FADS2: variants seen among roughly 807,000 people sequenced by gnomAD.
FADS2 encodes the protein fatty acid desaturase 2, also known as acyl-CoA 6-desaturase.
FADS2 carries 18 observed loss-of-function variants against 61.2 expected under a neutral mutation model. That is an observed-to-expected ratio of 0.29 (90% CI 0.20 to 0.44). The LOEUF is 0.44. FADS2 is among the 20% of genes least tolerant of loss of function. The pLI is 1.00. For missense variants in FADS2, 322 were observed against 572.7 expected (o/e 0.56, Z 4.47); for synonymous variants, 203 against 223.9 (o/e 0.91, Z 0.83).
intron 1 of FADS2, among the ~76,000 whole-genome samples, chr11:61,821,744 TAAG>T (rs2067037866): frequency 6.6e-6 from 1 of 152,260 alleles, no homozygotes; most frequent in African/African-American, 2.4e-5. Context: ...GTCTTTGTTT[TAAG>T]AAAAGTCATC....
At chr11:61,823,890 T>C (rs1227229808), upstream of FADS2, among the ~76,000 whole-genome samples, 2 of 152,212 alleles carry the variant, frequency 1.3e-5, no homozygotes, top group Non-Finnish European at 2.9e-5. Flanking sequence ...ACTAAGTTGA[T>C]GCCATTTTTG....
chr11:61,838,782 C>A (rs539964443), intron 2 of FADS2, among the ~76,000 whole-genome samples: 1 of 152,312 alleles, frequency 6.6e-6, no homozygotes, highest in East Asian at 1.9e-4. Context: ...CCAGCCCATG[C>A]TTGTCCCCTC....
chr11:61,848,304 G>A lies in FADS2; in HGVS notation c.744+20G>A, dbSNP rs1294228177. 1 of 1,611,240 alleles carries A rather than the reference G, an allele frequency of 6.2e-7. No homozygotes were observed. Among genetic ancestry groups the A allele is most frequent in the South Asian group, 1.1e-5 (1 of 90,930 alleles). On this transcript the variant is annotated intron_variant, in intron 5 of 11. Coordinates refer to ENST00000278840, the MANE Select transcript of FADS2 (RefSeq NM_004265.4). ...ATCGAGGTACGACTAAGAGGATGGT[G>A]TTGACCTAGGAAGTGTTTGTCCTGG...
chr11:61,821,366 A>G (rs771238600), intron 1 of FADS2: 97 of 700,478 alleles, frequency 1.4e-4, no homozygotes, highest in Non-Finnish European at 2.3e-4. Context: ...CTGTCCCACC[A>G]TTTTCTCTCT....
upstream of FADS2, chr11:61,827,981 C>A: frequency 3.0e-6 from 3 of 1,004,838 alleles, no homozygotes; most frequent in Non-Finnish European, 3.7e-6. The surrounding 1 kb of genome is among the most constrained non-coding windows in gnomAD (Gnocchi z 4.5). Flanking sequence ...TTGGTGCAGG[C>A]GCTCTGCTGA....
chr11:61,828,589 G>C lies in FADS2; in HGVS notation c.199G>C (p.Asp67His). 6.2e-7 allele frequency: 1 copy of C among 1,613,602 alleles called. No individual in the cohort carries two copies. The highest frequency in any genetic ancestry group is 8.5e-7 in the Non-Finnish European group (1 of 1,179,830). Reference sequence around the variant, plus strand: ...GGTCATCGGGCACTACGCTGGAGAAGATGCAACGGTAAGGGTCTGGGGGCG... The same window carrying C: ...GGTCATCGGGCACTACGCTGGAGAACATGCAACGGTAAGGGTCTGGGGGCG... Reference protein sequence around the residue: ...QRVIGHYAGEDATDAFRAFHP... With the variant: ...QRVIGHYAGEHATDAFRAFHP... Residue 67 changes from aspartate to histidine, a missense_variant, in exon 1 of 12, where the codon GAT becomes CAT. Coordinates refer to ENST00000278840, the MANE Select transcript of FADS2 (RefSeq NM_004265.4). This position sits in a 1 kb window ranked among gnomAD's most constrained non-coding sequence, Gnocchi z 6.4.
At chr11:61,850,463 C>A (rs989411560) in intron 5 of FADS2, among the ~76,000 whole-genome samples, 1 of 152,168 alleles carries the variant, frequency 6.6e-6, no homozygotes, top group South Asian at 2.1e-4. Flanking sequence ...GTTGGCCAGG[C>A]TGGTCTTGAA....
intron 5 of FADS2, chr11:61,849,895 G>A (rs1422822540): frequency 6.6e-6 from 1 of 151,878 alleles, no homozygotes; most frequent in Non-Finnish European, 1.5e-5. Context: ...GCCAGGTGTA[G>A]TGGTGTGCGT....
intron 1 of FADS2, among the ~76,000 whole-genome samples, chr11:61,835,196 G>A (rs2067162562): frequency 6.6e-6 from 1 of 152,022 alleles, no homozygotes; most frequent in Non-Finnish European, 1.5e-5. Context: ...AGAAACCGTG[G>A]GCCCAGTTTT....
intron 2 of FADS2, among the ~76,000 whole-genome samples, chr11:61,838,172 A>C (rs755564910): frequency 6.6e-6 from 1 of 152,164 alleles, no homozygotes; most frequent in African/African-American, 2.4e-5. Context: ...ATCTAGGGGA[A>C]AGACAGGACA....
intron 5 of FADS2, among the ~76,000 whole-genome samples, chr11:61,851,984 C>T (rs1054771412): frequency 3.9e-5 from 6 of 152,338 alleles, no homozygotes; most frequent in African/African-American, 1.4e-4. Context: ...CAATCTTTAA[C>T]TTCTGCCAAA....
At chr11:61,820,242 T>A (rs1204768043) in intron 1 of FADS2, among the ~76,000 whole-genome samples, 1 of 151,916 alleles carries the variant, frequency 6.6e-6, no homozygotes, top group African/African-American at 2.4e-5. Flanking sequence ...ATTTAACATT[T>A]GTGGGGTGTC....
At chr11:61,864,804 G>A (rs1281728952) in intron 10 of FADS2, among the ~76,000 whole-genome samples, 1 of 152,170 alleles carries the variant, frequency 6.6e-6, no homozygotes, top group African/African-American at 2.4e-5. Flanking sequence ...CCAAAATGCT[G>A]GGATTACAGG....
In FADS2 at chr11:61,816,886, G is replaced by A; in HGVS notation, c.141+460G>A. On this transcript the variant is annotated intron_variant, in intron 1 of 11. Coordinates refer to the FADS2 transcript ENST00000257261. This position sits in a 1 kb window ranked among gnomAD's most constrained non-coding sequence, Gnocchi z 7.0. ...CAGCCGCCTGCGCGCCGGGTTTTCA[G>A]CACCGCAGGGCAGACCGGCGGGCCT... 6.9e-7 allele frequency: 1 copy of A among 1,459,076 alleles called. No homozygotes were observed. The highest frequency in any genetic ancestry group is 9.0e-7 in the Non-Finnish European group (1 of 1,116,224). 90.4% of individuals were successfully genotyped at this position (1,459,076 alleles called of 1,614,324 possible). A position where few individuals can be genotyped will look rare whatever the true frequency, so the allele number is the denominator to read the frequency against.
intron 7 of FADS2, among the ~76,000 whole-genome samples, chr11:61,858,862 C>A (rs1032816227): frequency 3.3e-5 from 5 of 152,170 alleles, no homozygotes; most frequent in African/African-American, 1.2e-4. Context: ...GGATTACAGG[C>A]GTGAGCCACT....
At position 61,828,324 on chromosome 11, in the gene FADS2, C is replaced by A. The variant is rs924211198; in HGVS notation, c.-67C>A. On this transcript the variant is annotated 5_prime_UTR_variant, in exon 1 of 12. Transcript: ENST00000278840. The surrounding 1 kb of genome is among the most constrained non-coding windows in gnomAD (Gnocchi z 6.4). ...CTGCACACACCGGCTGGGAGGCAGCCGTCTGTGCAGCGAGCAGCCGGCGCG... is the reference window on the plus strand; with the variant it reads ...CTGCACACACCGGCTGGGAGGCAGCAGTCTGTGCAGCGAGCAGCCGGCGCG... 6 of 1,529,278 alleles carry A rather than the reference C, an allele frequency of 3.9e-6. No homozygotes were observed. The African/African-American group carries it at 5.5e-5, about 14-fold the overall frequency. The allele number at this position is 1,529,278 out of a possible 1,614,324, so 94.7% of individuals were successfully genotyped here.
At chr11:61,846,991 C>T (rs2067265843) in intron 4 of FADS2, 1 of 151,880 alleles carries the variant, frequency 6.6e-6, no homozygotes, top group East Asian at 1.9e-4. Flanking sequence ...GCTCTGTCTC[C>T]CAGGCTGGAG....
intron 1 of FADS2, 122 bp from the exon 2 acceptor site, chr11:61,837,656 G>A: frequency 2.9e-6 from 2 of 688,040 alleles, no homozygotes; most frequent in Non-Finnish European, 5.2e-6. Context: ...CCAGATCACA[G>A]GAGACCCCGT....
At chr11:61,855,396 C>T (rs1440458124) in intron 5 of FADS2, 3 of 152,278 alleles carry the variant, frequency 2.0e-5, no homozygotes, top group Non-Finnish European at 4.4e-5. Flanking sequence ...GACTGGCCAC[C>T]TCGAGAGCAA....
Sources: allele counts gnomAD v4.1 joint callset (sites outside exome capture counted in the v4.1 genomes callset), GRCh38; gene constraint gnomAD v4.1.1; non-coding constraint Gnocchi (gnomAD v3.1); transcripts MANE v1.5; gene names NCBI Gene and HGNC (gene_info 2026-07-23, HGNC 2026-07-21).